DRD4: variants seen among roughly 807,000 people sequenced by gnomAD.
DRD4 encodes dopamine receptor D4.
A neutral mutation model predicts 22.1 loss-of-function variants in DRD4; 26 were observed. The observed-to-expected ratio is 1.17, with a 90% CI of 0.86 to 1.63. The LOEUF (loss-of-function observed/expected upper bound fraction) is 1.63. Among genes scored for constraint, DRD4 ranks in the 40% most tolerant of loss-of-function variants. The pLI is 0.00. For synonymous variants in DRD4, 455 were observed against 306.7 expected (o/e 1.48, Z -5.05); for missense variants, 913 against 632.4 (o/e 1.44, Z -4.76).
chr11:640,679 AC>A lies in DRD4; in HGVS notation c.*77del. The A allele has an allele frequency of 1.3e-6, 2 of 1,530,010 alleles. No individual in the cohort carries two copies. Among genetic ancestry groups the A allele is most frequent in the Admixed American group, 3.5e-5 (2 of 57,098 alleles). 94.8% of individuals were successfully genotyped at this position (1,530,010 alleles called of 1,614,324 possible). A position where few individuals can be genotyped will look rare whatever the true frequency, so the allele number is the denominator to read the frequency against. ...AAGGAGATGGGGAGGGCGCTTTTGT[AC>A]GTTAATTAAACAAATTCCTTCCCAA... On this transcript the variant is annotated 3_prime_UTR_variant, in exon 4 of 4. Coordinates refer to ENST00000176183, the MANE Select transcript of DRD4 (RefSeq NM_000797.4).
chr11:639,643 C>T lies in DRD4; in HGVS notation c.399-5C>T, dbSNP rs1346747310. On this transcript the variant is annotated splice_region_variant and splice_polypyrimidine_tract_variant and intron_variant, in intron 2 of 3. Transcript: ENST00000176183. ...TGTCCGGCGCCCCCTCGGCGCTCCC[C>T]GCAGGTTCGTGGCCGTGGCCGTGCC... 7 of 1,446,388 alleles carry T rather than the reference C, an allele frequency of 4.8e-6. No homozygotes were observed. The highest frequency in any genetic ancestry group is 2.3e-4 in the Middle Eastern group (1 of 4,410). 89.6% of individuals were successfully genotyped at this position (1,446,388 alleles called of 1,614,324 possible).
chr11:640,494 C>A lies in DRD4; in HGVS notation c.1151C>A (p.Ala384Asp). 1 of 1,602,122 alleles carries A rather than the reference C, an allele frequency of 6.2e-7. No homozygotes were observed. Among genetic ancestry groups the A allele is most frequent in the South Asian group, 1.1e-5 (1 of 91,084 alleles). Residue 384 changes from alanine (A) to aspartate (D), a missense_variant, in exon 4 of 4, where the codon GCC (alanine) becomes GAC (aspartate). Physicochemically the swap from Ala to Asp is moderately radical, Grantham distance 126 (BLOSUM62 -2). Coordinates refer to ENST00000176183, the MANE Select transcript of DRD4 (RefSeq NM_000797.4). The stretch of plus-strand genomic sequence containing the variant: ...TCCGTGCCCCCGCGGCTGGTCAGCG[C>A]CGTCACCTGGCTGGGCTACGTCAAC... ...ACSVPPRLVS[A>D]VTWLGYVNSA...
At position 640,575 on chromosome 11, in the gene DRD4, T is replaced by G; in HGVS notation, c.1232T>G (p.Phe411Cys). The G allele has an allele frequency of 6.3e-7, 1 of 1,599,834 alleles. No individual in the cohort carries two copies. Residue 411 changes from phenylalanine (F) to cysteine (C), a missense_variant, in exon 4 of 4, where the codon TTC becomes TGC. By Grantham distance (205) the Phe-to-Cys change is radical. Coordinates refer to ENST00000176183, the MANE Select transcript of DRD4 (RefSeq NM_000797.4). ...TVFNAEFRNV[F>C]RKALRACC ...TTCAACGCCGAGTTCCGCAACGTCTTCCGCAAGGCCCTGCGTGCCTGCTGC... is the reference window on the plus strand; with the variant it reads ...TTCAACGCCGAGTTCCGCAACGTCTGCCGCAAGGCCCTGCGTGCCTGCTGC...
chr11:639,581 C>T (rs200974673), intron 2 of DRD4, 36 bp downstream of exon 2: 11 of 1,330,070 alleles, frequency 8.3e-6, no homozygotes, highest in African/African-American at 1.6e-5. Flanking sequence ...CCGGCGCCCC[C>T]GCGCCCCGCC....
rs1029191578 is a variant in DRD4, at chr11:640,182, T to TC, written c.939dup (p.Asp314ArgfsTer136). The stretch of plus-strand genomic sequence containing the variant: ...CGGACCCCTGCGGCTCCAACTGTGC[T>TC]CCCCCCGACGCCGTCAGAGCCGCCG... On this transcript the variant is annotated frameshift_variant, in exon 3 of 4. Transcript: ENST00000176183. LOFTEE classifies it high-confidence loss of function. 1.6e-5 allele frequency: 24 copies of TC among 1,503,564 alleles called. No homozygotes were observed. Among genetic ancestry groups the TC allele is most frequent in the Middle Eastern group, 2.3e-4 (1 of 4,302 alleles). 93.1% of individuals were successfully genotyped at this position (1,503,564 alleles called of 1,614,324 possible).
intron 2 of DRD4, 47 bp downstream of exon 2, chr11:639,592 C>G (rs1032589803): frequency 7.7e-7 from 1 of 1,300,898 alleles, no homozygotes; most frequent in African/African-American, 1.6e-5. Context: ...GCGCCCCGCC[C>G]GCCGCCCTCA....
In DRD4 at chr11:637,484, C is replaced by A; in HGVS notation, c.180C>A (p.Ala60=). Residue 60 remains alanine, a synonymous_variant, in exon 1 of 4, where the codon GCC becomes GCA. Coordinates refer to ENST00000176183, the MANE Select transcript of DRD4 (RefSeq NM_000797.4). The part of the protein sequence containing the change: ...AGNSLVCVSV[A]TERALQTPTN... ...ACTCGCTCGTGTGCGTGAGCGTGGC[C>A]ACCGAGCGCGCCCTGCAGACGCCCA... The A allele has an allele frequency of 1.9e-6, 3 of 1,544,170 alleles. No homozygotes were observed. The South Asian group carries it at 3.6e-5, about 18-fold the overall frequency.
intron 2 of DRD4, 33 bp downstream of exon 2, chr11:639,578 C>A: frequency 7.5e-7 from 1 of 1,335,838 alleles, no homozygotes; most frequent in Non-Finnish European, 9.6e-7. Flanking sequence ...GCCCCGGCGC[C>A]CCCGCGCCCC....
intron 1 of DRD4, among the ~76,000 whole-genome samples, chr11:638,783 G>A (rs1020479376): frequency 6.6e-6 from 1 of 152,134 alleles, no homozygotes; most frequent in African/African-American, 2.4e-5. Context: ...TCCCCAGGCC[G>A]TTCTCATGTT....
chr11:638,995 A>AT (rs763171905), intron 1 of DRD4: 37 of 172,946 alleles, frequency 2.1e-4, no homozygotes, highest in Non-Finnish European at 3.4e-4. Flanking sequence ...AGGCGGCAGA[A>AT]TCGCTTAAAC....
chr11:637,961 A>G lies in DRD4; in HGVS notation c.285+372A>G, dbSNP rs1487628111. On this transcript the variant is annotated intron_variant, in intron 1 of 3. Transcript: ENST00000176183. Reference sequence around the variant, plus strand: ...GCCAGCTGGACAGACAGGCAGATGCAGGCTCAGCCCCCTGGCTGCCGTGGG... The same window carrying G: ...GCCAGCTGGACAGACAGGCAGATGCGGGCTCAGCCCCCTGGCTGCCGTGGG... Among the ~76,000 whole-genome samples the G allele has an allele frequency of 3.4e-5, 5 of 149,114 alleles. No homozygotes were observed. The Admixed American group carries it at 3.4e-4, about 10-fold the overall frequency.
rs775832641 is a variant in DRD4 at position 639,984 on chromosome 11, C to T, written c.735C>T (p.Ser245=). The T allele has an allele frequency of 6.0e-6, 8 of 1,336,330 alleles. No homozygotes were observed. In the Admixed American group the frequency reaches 3.2e-4, roughly 53 times the overall value. The allele number at this position is 1,336,330 out of a possible 1,614,324, so 82.8% of individuals were successfully genotyped here. A position where few individuals can be genotyped will look rare whatever the true frequency, so the allele number is the denominator to read the frequency against. Residue 245 remains serine, a synonymous_variant, in exon 3 of 4, where the codon TCC becomes TCT. Transcript: ENST00000176183. ...PRRPSGPGPP[S]PTPPAPRLPQ... is the part of the protein sequence containing the mutation. ...GACCCAGCGGCCCTGGCCCGCCTTCCCCCACGCCACCCGCGCCCCGCCTCC... is the reference window on the plus strand; with the variant it reads ...GACCCAGCGGCCCTGGCCCGCCTTCTCCCACGCCACCCGCGCCCCGCCTCC...
chr11:640,199 G>C lies in DRD4; in HGVS notation c.950G>C (p.Arg317Thr). 3.3e-6 allele frequency: 5 copies of C among 1,528,948 alleles called. No individual in the cohort carries two copies. Among genetic ancestry groups the C allele is most frequent in the Non-Finnish European group, 3.5e-6 (4 of 1,144,996 alleles). The allele number at this position is 1,528,948 out of a possible 1,614,324, so 94.7% of individuals were successfully genotyped here. ...AACTGTGCTCCCCCCGACGCCGTCA[G>C]AGCCGCCGCGCTCCCACCCCAGACT... The part of the protein sequence containing the change: ...GSNCAPPDAV[R>T]AAALPPQTPP... Residue 317 changes from arginine (R) to threonine (T), a missense_variant, in exon 3 of 4, where the codon AGA becomes ACA. Physicochemically the swap from Arg to Thr is moderately conservative, Grantham distance 71 (BLOSUM62 -1). Transcript: ENST00000176183.
At position 637,312 on chromosome 11, in the gene DRD4, A is replaced by T. The variant is rs1437241985; in HGVS notation, c.8A>T (p.Asn3Ile). The change falls in exon 1 of 4, where the codon AAC (asparagine) becomes ATC (isoleucine). Residue 3 changes from asparagine (N) to isoleucine (I), a missense_variant. Asn to Ile is a moderately radical substitution (Grantham distance 149). Transcript: ENST00000176183. ...CGCCCGCCCGGGCGCGCCATGGGGAACCGCAGCACCGCGGACGCGGACGGG... is the reference window on the plus strand; with the variant it reads ...CGCCCGCCCGGGCGCGCCATGGGGATCCGCAGCACCGCGGACGCGGACGGG... MG[N>I]RSTADADGLL... The T allele has an allele frequency of 2.5e-6, 3 of 1,213,718 alleles. No individual in the cohort carries two copies. The East Asian group carries it at 1.1e-4, about 44-fold the overall frequency. The allele number at this position is 1,213,718 out of a possible 1,614,324, so 75.2% of individuals were successfully genotyped here.
rs776210077 is a variant in DRD4, at chr11:639,555, CCTCCCCGCCCGCGCCCCGG to C, written c.398+12_398+30del. ...CCATCAGCGTGGACAGGTGCGCCGCCCTCCCCGCCCGCGCCCCGGCGCCCCCGCGCCCCGCCCGCCGCCC... is the reference window on the plus strand; with the variant it reads ...CCATCAGCGTGGACAGGTGCGCCGCCCGCCCCCGCGCCCCGCCCGCCGCCC... On this transcript the variant is annotated intron_variant, in intron 2 of 3. Coordinates refer to ENST00000176183, the MANE Select transcript of DRD4 (RefSeq NM_000797.4). The C allele has an allele frequency of 2.3e-5, 34 of 1,466,806 alleles. 1 individual carries two copies. The highest frequency in any genetic ancestry group is 4.4e-5 in the African/African-American group (3 of 68,038). The allele number at this position is 1,466,806 out of a possible 1,614,324, so 90.9% of individuals were successfully genotyped here. A position where few individuals can be genotyped will look rare whatever the true frequency, so the allele number is the denominator to read the frequency against.
chr11:637,319 CACCGCG>C lies in DRD4; in HGVS notation c.16_21del (p.Thr6_Ala7del). The C allele has an allele frequency of 8.0e-7, 1 of 1,247,942 alleles. No individual in the cohort carries two copies. The allele number at this position is 1,247,942 out of a possible 1,614,324, so 77.3% of individuals were successfully genotyped here. On this transcript the variant is annotated inframe_deletion, in exon 1 of 4. Coordinates refer to ENST00000176183, the MANE Select transcript of DRD4 (RefSeq NM_000797.4). ...CCGGGCGCGCCATGGGGAACCGCAG[CACCGCG>C]GACGCGGACGGGCTGCTGGCTGGGC...
At chr11:637,889 T>A (rs1858100513) in intron 1 of DRD4, among the ~76,000 whole-genome samples, 1 of 152,226 alleles carries the variant, frequency 6.6e-6, no homozygotes, top group African/African-American at 2.4e-5. Context: ...AACAGGCGAC[T>A]TTGTCAAGCC....
In DRD4 at chr11:640,092, C is replaced by A. The variant is rs1486316960; in HGVS notation, c.843C>A (p.Ala281=). Residue 281 remains alanine, a synonymous_variant, in exon 3 of 4, where the codon GCC becomes GCA. Coordinates refer to ENST00000176183, the MANE Select transcript of DRD4 (RefSeq NM_000797.4). ...RGPCGPDCAP[A]APSLPQDPCG... is the part of the protein sequence containing the mutation. ...CCTGCGGCCCCGACTGTGCGCCCGC[C>A]GCGCCCAGCCTCCCCCAGGACCCCT... The A allele has an allele frequency of 3.6e-6, 4 of 1,111,676 alleles. 1 individual carries two copies. The highest frequency in any genetic ancestry group is 2.2e-5 in the South Asian group (1 of 45,954). 68.9% of individuals were successfully genotyped at this position (1,111,676 alleles called of 1,614,324 possible).
At position 639,967 on chromosome 11, in the gene DRD4, G is replaced by C. The variant is rs537247984; in HGVS notation, c.718G>C (p.Gly240Arg). 3 of 1,419,880 alleles carry C rather than the reference G, an allele frequency of 2.1e-6. No individual in the cohort carries two copies. The highest frequency in any genetic ancestry group is 1.5e-5 in the South Asian group (1 of 66,082). The allele number at this position is 1,419,880 out of a possible 1,614,324, so 88.0% of individuals were successfully genotyped here. Residue 240 changes from glycine (G) to arginine (R), a missense_variant, in exon 3 of 4, where the codon GGC (glycine) becomes CGC (arginine). Physicochemically the swap from Gly to Arg is moderately radical, Grantham distance 125. Coordinates refer to ENST00000176183, the MANE Select transcript of DRD4 (RefSeq NM_000797.4). ...CGGCCGCGCGCCCCGCCGACCCAGC[G>C]GCCCTGGCCCGCCTTCCCCCACGCC... ...LHGRAPRRPS[G>R]PGPPSPTPPA...
Sources: allele counts gnomAD v4.1 joint callset (sites outside exome capture counted in the v4.1 genomes callset), GRCh38; gene constraint gnomAD v4.1.1; transcripts MANE v1.5; gene names NCBI Gene and HGNC (gene_info 2026-07-23, HGNC 2026-07-21).